The following COG2 variants were observed in gnomAD, a reference collection of about 807,000 sequenced individuals.
COG2 encodes component of oligomeric golgi complex 2.
Under a neutral mutation model 90.6 loss-of-function variants are expected in COG2, and 52 were observed. That is an observed-to-expected ratio of 0.57 (90% confidence interval 0.46 to 0.72). The LOEUF (loss-of-function observed/expected upper bound fraction) is 0.72. Among genes scored for constraint, COG2 ranks in the 30% least tolerant of loss-of-function variants. The pLI, the probability that COG2 is intolerant of heterozygous loss-of-function variation, is 0.00. For synonymous variants in COG2, 337 were observed against 320.4 expected, an observed-to-expected ratio of 1.05 and a Z score of -0.55; for missense variants, 829 against 891.2, an observed-to-expected ratio of 0.93 and a Z score of 0.89.
intron 1 of COG2, among the ~76,000 whole-genome samples, chr1:230,656,941 C>G (rs1309312639): frequency 6.6e-6 from 1 of 152,132 alleles, no homozygotes; most frequent in Non-Finnish European, 1.5e-5. Flanking sequence ...TCCTCCATCC[C>G]TTTATTTTGA....
intron 1 of COG2, among the ~76,000 whole-genome samples, chr1:230,651,728 A>G (rs569963255): frequency 6.6e-6 from 1 of 152,350 alleles, no homozygotes; most frequent in East Asian, 1.9e-4. Flanking sequence ...ACAGGCATAT[A>G]TATTTTAACA....
rs891758713 is a variant in COG2, at chr1:230,642,542, C to G, written c.-65C>G. The G allele has an allele frequency of 6.6e-7, 1 of 1,516,992 alleles. No individual in the cohort carries two copies. Among genetic ancestry groups the G allele is most frequent in the Non-Finnish European group, 9.0e-7 (1 of 1,112,360 alleles). 94.0% of individuals were successfully genotyped at this position (1,516,992 alleles called of 1,614,324 possible). On this transcript the variant is annotated 5_prime_UTR_variant, in exon 1 of 18. Coordinates refer to ENST00000366669, the MANE Select transcript of COG2 (RefSeq NM_007357.3). ...CTGGCGGTGGCCGCGGCCGCCGAGTCGGTCTGCGCAGCCTCCTGCGTTTTC... is the reference window on the plus strand; with the variant it reads ...CTGGCGGTGGCCGCGGCCGCCGAGTGGGTCTGCGCAGCCTCCTGCGTTTTC...
chr1:230,693,484 C>T lies in COG2; in HGVS notation c.*91C>T. The T allele has an allele frequency of 2.6e-6, 2 of 758,112 alleles. No homozygotes were observed. The highest frequency in any genetic ancestry group is 4.4e-6 in the Non-Finnish European group (2 of 453,524). The allele number at this position is 758,112 out of a possible 1,614,324, so 47.0% of individuals were successfully genotyped here. On this transcript the variant is annotated 3_prime_UTR_variant, in exon 18 of 18. Transcript: ENST00000366669. The stretch of plus-strand genomic sequence containing the variant: ...GGAGAAAGTGACTCTGTTCTCTTAG[C>T]AACCGTCTGTAGCAAAGAAGTGCTT...
chr1:230,663,083 A>G, intron 3 of COG2, 58 bp from the exon 4 acceptor site: 2 of 1,419,364 alleles, frequency 1.4e-6, no homozygotes, highest in African/African-American at 1.4e-5. Flanking sequence ...TTAAATGTGT[A>G]AATTTCATAA....
Position 230,642,645 on chromosome 1 carries a change from C to T in COG2, c.39C>T (p.Asp13=), listed in dbSNP as rs375897718. 1.4e-5 allele frequency: 23 copies of T among 1,613,116 alleles called. No homozygotes were observed. The highest frequency in any genetic ancestry group is 1.9e-5 in the Non-Finnish European group (22 of 1,179,698). ...KSRMNLPKGP[D]TLCFDKDEFM... Reference sequence around the variant, plus strand: ...GGATGAACCTGCCCAAGGGGCCGGACACGCTCTGCTTCGACAAGGACGAGT... The same window carrying T: ...GGATGAACCTGCCCAAGGGGCCGGATACGCTCTGCTTCGACAAGGACGAGT... The change falls in exon 1 of 18, where the codon GAC becomes GAT. Residue 13 remains aspartate (D), a synonymous_variant. Transcript: ENST00000366669.
intron 1 of COG2, among the ~76,000 whole-genome samples, chr1:230,646,265 C>CTG (rs1661774218): frequency 6.6e-6 from 1 of 152,214 alleles, no homozygotes; most frequent in African/African-American, 2.4e-5. Context: ...CTGGCCCCAT[C>CTG]ATTCCACTAA....
At chr1:230,642,777 C>A in intron 1 of COG2, 99 bp downstream of exon 1, 2 of 1,182,146 alleles carry the variant, frequency 1.7e-6, no homozygotes, top group South Asian at 1.4e-5. Context: ...TGCCTGCGCA[C>A]GCTCAGTGTC....
At chr1:230,679,218 G>A (rs1410254629) in intron 10 of COG2, 166 bp downstream of exon 10, 13 of 610,324 alleles carry the variant, frequency 2.1e-5, no homozygotes, top group Non-Finnish European at 3.1e-5. Flanking sequence ...TATTATGGTT[G>A]CCAAAGTCTG....
intron 3 of COG2, 83 bp downstream of exon 3, chr1:230,660,906 C>A: frequency 1.1e-6 from 1 of 881,158 alleles, no homozygotes; most frequent in Non-Finnish European, 1.7e-6. Flanking sequence ...TTCCTTTAAT[C>A]TGTTAGGTTG....
In COG2 at chr1:230,688,447, T is replaced by G; in HGVS notation, c.1679T>G (p.Phe560Cys). 1 of 1,614,060 alleles carries G rather than the reference T, an allele frequency of 6.2e-7. No individual in the cohort carries two copies. Residue 560 changes from phenylalanine (F) to cysteine (C), a missense_variant, in exon 15 of 18, where the codon TTT (phenylalanine) becomes TGT (cysteine). Transcript: ENST00000366669. ...SAALEDSQSSFSACVPSLSSK... is the reference protein window; with the variant it reads ...SAALEDSQSSCSACVPSLSSK... ...GCCCTGGAGGACTCCCAGAGCTCTTTTTCAGCCTGTGTGCCCTCCTTGAGT... is the reference window on the plus strand; with the variant it reads ...GCCCTGGAGGACTCCCAGAGCTCTTGTTCAGCCTGTGTGCCCTCCTTGAGT...
chr1:230,691,163 A>ATG (rs575311831), intron 16 of COG2, among the ~76,000 whole-genome samples: 11 of 149,562 alleles, frequency 7.4e-5, no homozygotes, highest in East Asian at 2.4e-4. Flanking sequence ...TTAAGACCAT[A>ATG]TGTGTGTGTG....
rs1016455066 is a variant in COG2, at chr1:230,690,296, C to A, written c.1934+143C>A. ...ACTGGATTAGTCAGAGTGTGTGTCC[C>A]ACTGTTTGCTTCCTCCCTCCCCACA... On this transcript the variant is annotated intron_variant, in intron 16 of 17. Coordinates refer to ENST00000366669, the MANE Select transcript of COG2 (RefSeq NM_007357.3). 3 of 695,506 alleles carry A rather than the reference C, an allele frequency of 4.3e-6. No homozygotes were observed. In the African/African-American group the frequency reaches 5.6e-5, roughly 13 times the overall value. 43.1% of individuals were successfully genotyped at this position (695,506 alleles called of 1,614,324 possible).
chr1:230,643,608 C>A (rs1025145340), intron 1 of COG2, among the ~76,000 whole-genome samples: 1 of 130,596 alleles, frequency 7.7e-6, no homozygotes, highest in Non-Finnish European at 1.6e-5. Flanking sequence ...ATTAATTAGC[C>A]TATCTCTTTT....
chr1:230,690,575 T>TA (rs890673993), intron 16 of COG2, among the ~76,000 whole-genome samples: 2 of 152,218 alleles, frequency 1.3e-5, no homozygotes, highest in African/African-American at 4.8e-5. Context: ...AGAGAAAACA[T>TA]ACATTTAAAA....
At chr1:230,678,683 A>G (rs944690673) in intron 9 of COG2, 1 of 1,440,150 alleles carries the variant, frequency 6.9e-7, no homozygotes, top group Non-Finnish European at 9.2e-7. Flanking sequence ...CCTGGGTCTC[A>G]GATGGGCTTT....
intron 5 of COG2, among the ~76,000 whole-genome samples, chr1:230,667,626 A>G (rs1354677562): frequency 2.6e-5 from 4 of 152,180 alleles, no homozygotes; most frequent in Non-Finnish European, 5.9e-5. Context: ...TTCACACGAG[A>G]TTATTCAGGA....
chr1:230,650,936 G>A (rs977582929), intron 1 of COG2, among the ~76,000 whole-genome samples: 3 of 152,110 alleles, frequency 2.0e-5, no homozygotes, highest in Non-Finnish European at 4.4e-5. Context: ...AATGTTTATC[G>A]AATATGCAGG....
At chr1:230,684,700 T>C (rs1402249007) in intron 11 of COG2, among the ~76,000 whole-genome samples, 2 of 152,250 alleles carry the variant, frequency 1.3e-5, no homozygotes, top group African/African-American at 4.8e-5. Flanking sequence ...TATGTTGAGA[T>C]AGAGGAAGAC....
At chr1:230,656,853 T>C (rs1662067875) in intron 1 of COG2, among the ~76,000 whole-genome samples, 1 of 152,214 alleles carries the variant, frequency 6.6e-6, no homozygotes, top group African/African-American at 2.4e-5. Context: ...TTGATCTTTG[T>C]TGGTTTAAAG....
Sources: allele counts gnomAD v4.1 joint callset (sites outside exome capture counted in the v4.1 genomes callset), GRCh38; gene constraint gnomAD v4.1.1; transcripts MANE v1.5; gene names NCBI Gene and HGNC (gene_info 2026-07-23, HGNC 2026-07-21).